Variants in NTM observed in about 807,000 individuals in gnomAD.
NTM encodes the protein IgLON family member 2.
Under a neutral mutation model 42.1 loss-of-function variants are expected in NTM, and 13 were observed. That is an observed-to-expected ratio of 0.31 (90% CI 0.20 to 0.49). The LOEUF is 0.49. NTM is among the 20% of genes least tolerant of loss of function. The pLI, the probability that NTM is intolerant of heterozygous loss-of-function variation, is 0.99. For synonymous variants in NTM, 187 were observed against 179.2 expected (o/e 1.04, Z -0.35); for missense variants, 373 against 452.8 (o/e 0.82, Z 1.60).
At chr11:132,101,694 C>T (rs900446376) in intron 2 of NTM, among the ~76,000 whole-genome samples, 26 of 152,056 alleles carry the variant, frequency 1.7e-4, no homozygotes, top group Admixed American at 1.7e-3. Context: ...TGATGTTGTC[C>T]TCTTCTCAGT....
intron 1 of NTM, among the ~76,000 whole-genome samples, chr11:131,489,293 AG>A (rs1375616216): frequency 6.6e-6 from 1 of 152,158 alleles, no homozygotes; most frequent in Admixed American, 6.5e-5. Flanking sequence ...CCCCGTAGAA[AG>A]CTTGTGACTC....
intron 2 of NTM, among the ~76,000 whole-genome samples, chr11:132,065,829 G>A (rs2056394655): frequency 6.6e-6 from 1 of 152,164 alleles, no homozygotes; most frequent in African/African-American, 2.4e-5. Flanking sequence ...TATCTTTATT[G>A]CTTACATTAA....
intron 2 of NTM, among the ~76,000 whole-genome samples, chr11:132,118,986 TC>T (rs918342515): frequency 2.1e-4 from 32 of 152,122 alleles, no homozygotes; most frequent in South Asian, 4.2e-4. Flanking sequence ...GAAGCGCCTC[TC>T]CCCCCAGCCT....
At chr11:131,875,014 C>T (rs1374896707) in intron 1 of NTM, among the ~76,000 whole-genome samples, 5 of 152,144 alleles carry the variant, frequency 3.3e-5, no homozygotes, top group African/African-American at 9.7e-5. Context: ...GGGCAGCAGC[C>T]GGCCAAAGGC....
intron 1 of NTM, among the ~76,000 whole-genome samples, chr11:131,728,337 T>C (rs1028996224): frequency 6.6e-6 from 1 of 152,236 alleles, no homozygotes; most frequent in African/African-American, 2.4e-5. Flanking sequence ...TGGGTTTGAT[T>C]GTTTTGCTAC....
intron 4 of NTM, among the ~76,000 whole-genome samples, chr11:132,237,022 G>A (rs1216310454): frequency 3.1e-4 from 47 of 152,156 alleles, no homozygotes; most frequent in Non-Finnish European, 2.9e-5. Flanking sequence ...AGTCCTCCAC[G>A]ATCTGGCCAG....
At chr11:131,637,745 T>C (rs1354763687) in intron 1 of NTM, among the ~76,000 whole-genome samples, 1 of 152,054 alleles carries the variant, frequency 6.6e-6, no homozygotes, top group Non-Finnish European at 1.5e-5. Flanking sequence ...TAAGTAGATA[T>C]TTTGCATGAA....
intron 1 of NTM, among the ~76,000 whole-genome samples, chr11:131,420,807 C>T (rs1469215913): frequency 6.6e-6 from 1 of 152,058 alleles, no homozygotes; most frequent in African/African-American, 2.4e-5. Flanking sequence ...TATAAAAGTC[C>T]ATTTTAGTCA....
At chr11:131,948,782 C>A (rs979915952) in intron 2 of NTM, among the ~76,000 whole-genome samples, 4 of 152,274 alleles carry the variant, frequency 2.6e-5, no homozygotes, top group Middle Eastern at 6.8e-3. Flanking sequence ...GCACTCAATG[C>A]CCTGAGAAAT....
intron 1 of NTM, among the ~76,000 whole-genome samples, chr11:131,386,120 T>A (rs937815611): frequency 3.3e-5 from 5 of 152,202 alleles, no homozygotes; most frequent in African/African-American, 1.2e-4. Context: ...TATGCATAAA[T>A]GGGTATTACT....
At chr11:131,847,279 T>G (rs2045023230) in intron 1 of NTM, among the ~76,000 whole-genome samples, 1 of 152,034 alleles carries the variant, frequency 6.6e-6, no homozygotes, top group South Asian at 2.1e-4. Flanking sequence ...ATATTTAAAT[T>G]ATTTTAATTA....
At chr11:132,155,504 G>A (rs887124617) in intron 3 of NTM, among the ~76,000 whole-genome samples, 2 of 152,172 alleles carry the variant, frequency 1.3e-5, no homozygotes, top group African/African-American at 2.4e-5. Flanking sequence ...GGTCTGGGTC[G>A]CATCCCGTTT....
At chr11:131,519,730 C>T (rs975376758) in intron 1 of NTM, among the ~76,000 whole-genome samples, 3 of 138,642 alleles carry the variant, frequency 2.2e-5, no homozygotes, top group Admixed American at 1.4e-4. Context: ...GGTGAACCTG[C>T]TTGTTAGGGA....
In NTM at chr11:131,601,301, A is replaced by G. The variant is rs534097252; in HGVS notation, c.82+230413A>G. On this transcript the variant is annotated intron_variant, in intron 1 of 8. Transcript: ENST00000683400. ...AAGGAGCATGATGGACCAGAGCACC[A>G]TCACAGTCCCAGTCTCTTCCCTACT... Among the ~76,000 whole-genome samples the G allele has an allele frequency of 7.2e-5, 11 of 152,350 alleles. No individual in the cohort carries two copies. In the East Asian group the frequency reaches 9.6e-4, roughly 13 times the overall value.
intron 1 of NTM, among the ~76,000 whole-genome samples, chr11:131,679,177 A>C (rs1232085851): frequency 6.6e-6 from 1 of 152,000 alleles, no homozygotes; most frequent in Non-Finnish European, 1.5e-5. Context: ...GACATTTGGG[A>C]ATCTGCTGCC....
chr11:131,882,923 C>G (rs1468769742), intron 1 of NTM, among the ~76,000 whole-genome samples: 3 of 151,754 alleles, frequency 2.0e-5, no homozygotes, highest in Non-Finnish European at 4.4e-5. Flanking sequence ...CAAAAAAGTT[C>G]AGGAAAATAA....
At chr11:131,957,333 C>T (rs1160304464) in intron 2 of NTM, among the ~76,000 whole-genome samples, 1 of 152,036 alleles carries the variant, frequency 6.6e-6, no homozygotes, top group Non-Finnish European at 1.5e-5. Flanking sequence ...TTCCAAAGGC[C>T]CTGGCTTTGA....
intron 6 of NTM, among the ~76,000 whole-genome samples, chr11:132,313,221 C>CATAGAAATACATT (rs2095329818): frequency 6.6e-6 from 1 of 152,158 alleles, no homozygotes; most frequent in Non-Finnish European, 1.5e-5. Context: ...TGTCTAACTC[C>CATAGAAATACATT]ATAGAAATAC....
At chr11:132,153,495 T>C (rs1009423021) in intron 3 of NTM, among the ~76,000 whole-genome samples, 2 of 152,178 alleles carry the variant, frequency 1.3e-5, no homozygotes, top group East Asian at 1.9e-4. Flanking sequence ...GTATTCCTAA[T>C]GGTTTCAGAA....
Sources: allele counts gnomAD v4.1 joint callset (sites outside exome capture counted in the v4.1 genomes callset), GRCh38; gene constraint gnomAD v4.1.1; transcripts MANE v1.5; gene names NCBI Gene and HGNC (gene_info 2026-07-23, HGNC 2026-07-21).